Variants in MTHFS observed in about 807,000 individuals in gnomAD.
MTHFS encodes 5-formyltetrahydrofolate cyclo-ligase.
MTHFS carries 7 observed loss-of-function variants against 12.7 expected under a neutral mutation model. The ratio of observed to expected loss-of-function variants is 0.55; its 90% CI spans 0.31 to 1.03. MTHFS has a LOEUF of 1.03. Among genes scored for constraint, MTHFS ranks in the 50% least tolerant of loss-of-function variants. The probability of loss-of-function intolerance (pLI) is 0.05; values close to 1 mark genes in which losing one functional copy is unlikely to be tolerated. For synonymous variants in MTHFS, 100 were observed against 97.1 expected (o/e 1.03, Z -0.18); for missense variants, 252 against 258.1 (o/e 0.98, Z 0.16).
At chr15:79,857,288 C>A (rs551120704) in intron 2 of MTHFS, among the ~76,000 whole-genome samples, 2 of 152,138 alleles carry the variant, frequency 1.3e-5, no homozygotes, top group African/African-American at 4.8e-5. Flanking sequence ...CATGAGCCAC[C>A]GTGCCTGGCC....
intron 2 of MTHFS, among the ~76,000 whole-genome samples, chr15:79,874,908 C>G (rs1448141292): frequency 1.3e-5 from 2 of 152,058 alleles, no homozygotes; most frequent in African/African-American, 2.4e-5. Context: ...GTTCTTTTTT[C>G]AAGGTGCCCA....
At chr15:79,872,797 T>C (rs1290706984) in intron 2 of MTHFS, among the ~76,000 whole-genome samples, 1 of 152,220 alleles carries the variant, frequency 6.6e-6, no homozygotes, top group Non-Finnish European at 1.5e-5. Flanking sequence ...GGATCACTTT[T>C]GTCATCGTCT....
intron 1 of MTHFS, 155 bp downstream of exon 1, chr15:79,896,717 C>T (rs1216484314): frequency 8.9e-6 from 8 of 900,444 alleles, no homozygotes; most frequent in Middle Eastern, 3.4e-4. Context: ...GACTAGGGGG[C>T]GTGCGCGCGC....
intron 2 of MTHFS, among the ~76,000 whole-genome samples, chr15:79,865,350 G>C (rs1270131785): frequency 6.6e-6 from 1 of 152,156 alleles, no homozygotes; most frequent in Non-Finnish European, 1.5e-5. Context: ...ATTATGATTA[G>C]AAACCAGGAA....
intron 2 of MTHFS, among the ~76,000 whole-genome samples, chr15:79,881,030 C>T (rs921567693): frequency 1.3e-5 from 2 of 152,136 alleles, no homozygotes; most frequent in Admixed American, 1.3e-4. Flanking sequence ...GAGCAATAAA[C>T]TAAAAAAAGA....
intron 2 of MTHFS, among the ~76,000 whole-genome samples, chr15:79,850,143 C>CA (rs1161425026): frequency 4.6e-5 from 7 of 152,212 alleles, no homozygotes; most frequent in Admixed American, 3.3e-4. Context: ...CTGTTCACAA[C>CA]AATTGTATTT....
At chr15:79,893,133 G>A (rs2034502884) in intron 1 of MTHFS, among the ~76,000 whole-genome samples, 1 of 152,152 alleles carries the variant, frequency 6.6e-6, no homozygotes, top group Non-Finnish European at 1.5e-5. Flanking sequence ...GGCCAGGCGT[G>A]GTGGCTCATG....
At position 79,889,107 on chromosome 15, in the gene MTHFS, T is replaced by G; in HGVS notation, c.365A>C (p.Glu122Ala). 1 of 1,614,132 alleles carries G rather than the reference T, an allele frequency of 6.2e-7. No individual in the cohort carries two copies. Among genetic ancestry groups the G allele is most frequent in the Non-Finnish European group, 8.5e-7 (1 of 1,180,014 alleles). ...ATAATACTCACCTGTGGACAAGGCC[T>G]CCTCCCGAACATCACCCTCACCAGG... ...PQPGEGDVREEALSTGGLDLI... is the reference protein window; with the variant it reads ...PQPGEGDVREAALSTGGLDLI... The change falls in exon 2 of 3, where the codon GAG becomes GCG. Residue 122 changes from glutamate to alanine, a missense_variant. Coordinates refer to ENST00000258874, the MANE Select transcript of MTHFS (RefSeq NM_006441.4).
intron 2 of MTHFS, among the ~76,000 whole-genome samples, chr15:79,888,569 G>C (rs970902853): frequency 6.6e-6 from 1 of 152,214 alleles, no homozygotes. Flanking sequence ...CAGTGGGTTG[G>C]AGAGAAATGG....
intron 2 of MTHFS, among the ~76,000 whole-genome samples, chr15:79,880,971 T>A (rs969774996): frequency 6.6e-6 from 1 of 152,216 alleles, no homozygotes; most frequent in African/African-American, 2.4e-5. Context: ...AAGCTGGGCA[T>A]TCATTTACAC....
At chr15:79,863,592 G>A (rs748035582) in intron 2 of MTHFS, among the ~76,000 whole-genome samples, 8 of 152,108 alleles carry the variant, frequency 5.3e-5, no homozygotes, top group African/African-American at 7.2e-5. Flanking sequence ...GAATCCCACC[G>A]CAACACCACA....
intron 2 of MTHFS, among the ~76,000 whole-genome samples, chr15:79,865,520 G>A (rs1339438650): frequency 6.6e-6 from 1 of 152,206 alleles, no homozygotes; most frequent in Non-Finnish European, 1.5e-5. Context: ...CAGCCAGGAG[G>A]AGCAGGTATA....
At chr15:79,876,336 G>A (rs1443492453) in intron 2 of MTHFS, 1 of 152,276 alleles carries the variant, frequency 6.6e-6, no homozygotes, top group Non-Finnish European at 1.5e-5. Flanking sequence ...AAGTAGGCCA[G>A]GCGCAATGGC....
chr15:79,861,121 T>C (rs1325852821), intron 2 of MTHFS, among the ~76,000 whole-genome samples: 2 of 152,306 alleles, frequency 1.3e-5, no homozygotes, highest in East Asian at 3.9e-4. Context: ...TTTATGTAAA[T>C]TTCCTATTTA....
At chr15:79,896,491 C>T (rs575666424) in intron 1 of MTHFS, among the ~76,000 whole-genome samples, 1 of 152,236 alleles carries the variant, frequency 6.6e-6, no homozygotes, top group Non-Finnish European at 1.5e-5. Context: ...GGTGTTCACC[C>T]ATCTCCTCTA....
intron 2 of MTHFS, among the ~76,000 whole-genome samples, chr15:79,887,819 G>C (rs2034407113): frequency 1.3e-5 from 2 of 152,166 alleles, no homozygotes; most frequent in African/African-American, 4.8e-5. Flanking sequence ...ACATGAAGGA[G>C]GTAGATCTGA....
At chr15:79,882,558 T>C (rs1320795793) in intron 2 of MTHFS, among the ~76,000 whole-genome samples, 1 of 152,150 alleles carries the variant, frequency 6.6e-6, no homozygotes, top group Non-Finnish European at 1.5e-5. Context: ...CTTTACCTCA[T>C]CCAGGGCCCA....
At chr15:79,858,930 C>A (rs2033859284) in intron 2 of MTHFS, among the ~76,000 whole-genome samples, 1 of 152,096 alleles carries the variant, frequency 6.6e-6, no homozygotes, top group Admixed American at 6.5e-5. Flanking sequence ...CAAAAATAAC[C>A]AGCTTAACAA....
upstream of MTHFS, chr15:79,897,275 T>A: frequency 2.2e-6 from 1 of 449,952 alleles, no homozygotes; most frequent in Non-Finnish European, 3.9e-6. Context: ...CTGACCTCCC[T>A]GAGCCTGGGC....
Sources: gnomAD v4.1 joint callset for allele counts (sites outside exome capture counted in the v4.1 genomes callset) on GRCh38, gnomAD v4.1.1 for gene constraint, MANE v1.5 for transcripts, NCBI Gene and HGNC (gene_info 2026-07-23, HGNC 2026-07-21) for gene names.